The following RPS6KA2 variants were observed in gnomAD, a reference collection of about 807,000 sequenced individuals.
RPS6KA2 encodes the protein ribosomal protein S6 kinase alpha-2.
In RPS6KA2, 42 loss-of-function variants were observed where a neutral mutation model predicts 91.8. The ratio of observed to expected loss-of-function variants is 0.46; its 90% CI spans 0.36 to 0.59. RPS6KA2 has a LOEUF of 0.59. Among genes scored for constraint, RPS6KA2 ranks in the 20% least tolerant of loss-of-function variants. RPS6KA2 has a pLI of 0.00. For missense variants in RPS6KA2, 798 were observed against 978.5 expected (o/e 0.82, Z 2.46); for synonymous variants, 414 against 393.6 (o/e 1.05, Z -0.61).
intron 3 of RPS6KA2, among the ~76,000 whole-genome samples, chr6:166,516,611 G>A (rs968595200): frequency 3.3e-5 from 5 of 152,250 alleles, no homozygotes; most frequent in African/African-American, 9.6e-5. Flanking sequence ...GAGGACCCGT[G>A]GGCTCTGCCA....
At chr6:166,682,495 AAGGC>A (rs1583016284) in intron 2 of RPS6KA2, among the ~76,000 whole-genome samples, 1 of 152,184 alleles carries the variant, frequency 6.6e-6, no homozygotes, top group East Asian at 1.9e-4. Context: ...GCCCTGGGGA[AAGGC>A]AGGGGCAGGG....
At position 166,506,671 on chromosome 6, in the gene RPS6KA2, GC is replaced by G. The variant is rs1782237804; in HGVS notation, c.459+1531del. Among the ~76,000 whole-genome samples, 3 of 152,204 alleles carry G rather than the reference GC, an allele frequency of 2.0e-5. No individual in the cohort carries two copies. In the South Asian group the frequency reaches 6.2e-4, roughly 32 times the overall value. On this transcript the variant is annotated intron_variant, in intron 5 of 20. Transcript: ENST00000265678. ...CTGCTGGACGCAGAGGGACAGGGCAGCCATGGTCTCTGGGACCCTTTGCGCC... is the reference window on the plus strand; with the variant it reads ...CTGCTGGACGCAGAGGGACAGGGCAGCATGGTCTCTGGGACCCTTTGCGCC...
intron 2 of RPS6KA2, among the ~76,000 whole-genome samples, chr6:166,719,494 G>T (rs1422136208): frequency 6.6e-6 from 1 of 152,204 alleles, no homozygotes; most frequent in Admixed American, 6.5e-5. Context: ...CAAGTAACCT[G>T]CAATCTCTCC....
intron 2 of RPS6KA2, among the ~76,000 whole-genome samples, chr6:166,698,369 A>G (rs928002868): frequency 1.3e-5 from 2 of 152,178 alleles, no homozygotes; most frequent in African/African-American, 4.8e-5. Context: ...AGCAAGGTCA[A>G]CCTCTGGAGA....
chr6:166,592,052 G>T (rs1487258023), intron 1 of RPS6KA2, among the ~76,000 whole-genome samples: 1 of 152,222 alleles, frequency 6.6e-6, no homozygotes, highest in Non-Finnish European at 1.5e-5. Context: ...ACCAGCCAGG[G>T]CGCAGCAGTG....
intron 2 of RPS6KA2, among the ~76,000 whole-genome samples, chr6:166,769,847 C>T (rs1235065398): frequency 6.6e-6 from 1 of 152,184 alleles, no homozygotes; most frequent in African/African-American, 2.4e-5. Context: ...TGTGCAGTGC[C>T]CTCCCTGGGC....
intron 2 of RPS6KA2, among the ~76,000 whole-genome samples, chr6:166,724,998 G>A (rs1790292745): frequency 6.6e-6 from 1 of 152,136 alleles, no homozygotes; most frequent in Non-Finnish European, 1.5e-5. Flanking sequence ...AGAGAGTTGA[G>A]GAAATGAAAA....
At chr6:166,504,423 T>G (rs1782125794) in intron 6 of RPS6KA2, 83 bp downstream of exon 6, 2 of 788,416 alleles carry the variant, frequency 2.5e-6, no homozygotes, top group South Asian at 3.2e-5. Context: ...AATAAATATC[T>G]AGCAGTGGCT....
intron 2 of RPS6KA2, among the ~76,000 whole-genome samples, chr6:166,712,325 G>A (rs541114584): frequency 5.3e-5 from 8 of 152,328 alleles, no homozygotes; most frequent in African/African-American, 1.4e-4. Context: ...AATGCTCAGC[G>A]TCAGGGCAGG....
intron 1 of RPS6KA2, among the ~76,000 whole-genome samples, chr6:166,595,702 T>C (rs1785512442): frequency 6.6e-6 from 1 of 152,236 alleles, no homozygotes; most frequent in South Asian, 2.1e-4. Context: ...GAATCCAGTC[T>C]AATGTTAAAT....
At chr6:166,738,978 T>C (rs896096296) in intron 2 of RPS6KA2, among the ~76,000 whole-genome samples, 2 of 152,186 alleles carry the variant, frequency 1.3e-5, no homozygotes, top group African/African-American at 4.8e-5. Context: ...TGAAAACACC[T>C]ATAGGTTTCC....
Position 166,419,995 on chromosome 6 carries a change from C to G in RPS6KA2, c.1744-37G>C. The G allele has an allele frequency of 6.3e-7, 1 of 1,584,094 alleles. No homozygotes were observed. Among genetic ancestry groups the G allele is most frequent in the Non-Finnish European group, 8.7e-7 (1 of 1,153,580 alleles). On this transcript the variant is annotated intron_variant, in intron 17 of 20. Coordinates refer to ENST00000265678, the MANE Select transcript of RPS6KA2 (RefSeq NM_021135.6). This position sits in a 1 kb window ranked among gnomAD's most constrained non-coding sequence, Gnocchi z 5.6. ...CGACAGGACACCGGCACGCCCTTCA[C>G]TAAGGACATTCAGATTGACAGCACG...
intron 2 of RPS6KA2, among the ~76,000 whole-genome samples, chr6:166,831,657 A>G (rs888011244): frequency 5.3e-5 from 8 of 151,896 alleles, no homozygotes; most frequent in Non-Finnish European, 1.2e-4. Context: ...CTCGGTAGCA[A>G]AAGACCACAG....
chr6:166,532,432 A>G (rs1241212859), intron 2 of RPS6KA2, among the ~76,000 whole-genome samples: 1 of 152,220 alleles, frequency 6.6e-6, no homozygotes, highest in Non-Finnish European at 1.5e-5. Flanking sequence ...CTAGAGGCAC[A>G]AATAAAGAGG....
At chr6:166,750,237 G>A (rs557971575) in intron 2 of RPS6KA2, among the ~76,000 whole-genome samples, 27 of 152,288 alleles carry the variant, frequency 1.8e-4, no homozygotes, top group Middle Eastern at 6.8e-3. Flanking sequence ...CAGAGACATC[G>A]GGCGTGCTCC....
chr6:166,560,196 A>G (rs1309446477), intron 1 of RPS6KA2, among the ~76,000 whole-genome samples: 1 of 152,220 alleles, frequency 6.6e-6, no homozygotes, highest in African/African-American at 2.4e-5. Flanking sequence ...CTGGGCATGC[A>G]TTTCTGGCCC....
intron 2 of RPS6KA2, among the ~76,000 whole-genome samples, chr6:166,687,490 C>A (rs1001373364): frequency 1.3e-5 from 2 of 152,090 alleles, no homozygotes; most frequent in Admixed American, 6.5e-5. Flanking sequence ...TAGAGGCCAG[C>A]GGGGTTTTTC....
In RPS6KA2 at chr6:166,504,613, C is replaced by T. The variant is rs756351580; in HGVS notation, c.460-1G>A. On this transcript the variant is annotated splice_acceptor_variant, in intron 5 of 20. Coordinates refer to ENST00000265678, the MANE Select transcript of RPS6KA2 (RefSeq NM_021135.6). LOFTEE classifies it high-confidence loss of function. ...TGACATCCTCCTCCGTGAACATGAC[C>T]TAGTAAGAAAAAAACAAAAACAAAA... 1 of 1,598,604 alleles carries T rather than the reference C, an allele frequency of 6.3e-7. No individual in the cohort carries two copies. Among genetic ancestry groups the T allele is most frequent in the Non-Finnish European group, 8.5e-7 (1 of 1,173,814 alleles).
rs568686239 is a variant in RPS6KA2 at position 166,423,676 on chromosome 6, A to C, written c.1582-259T>G. Among the ~76,000 whole-genome samples, 240 of 152,374 alleles carry C rather than the reference A, an allele frequency of 1.6e-3. 1 individual carries two copies. Among genetic ancestry groups the C allele is most frequent in the Admixed American group, 3.4e-3 (52 of 15,306 alleles). ...ACAGTGAATGAATATTTGAGTAAAT[A>C]AGTGAGCACCTCTCCAAGTTGAGGC... On this transcript the variant is annotated intron_variant, in intron 16 of 20. Coordinates refer to ENST00000265678, the MANE Select transcript of RPS6KA2 (RefSeq NM_021135.6). This position sits in a 1 kb window ranked among gnomAD's most constrained non-coding sequence, Gnocchi z 4.8.
Sources: allele counts gnomAD v4.1 joint callset (sites outside exome capture counted in the v4.1 genomes callset), GRCh38; gene constraint gnomAD v4.1.1; non-coding constraint Gnocchi (gnomAD v3.1); transcripts MANE v1.5; gene names NCBI Gene and HGNC (gene_info 2026-07-23, HGNC 2026-07-21).